SENP6: variants seen among roughly 807,000 people sequenced by gnomAD.
SENP6 encodes SUMO specific peptidase 6.
In SENP6, 41 loss-of-function variants were observed where a neutral mutation model predicts 134.5. The observed-to-expected ratio is 0.30, with a 90% CI of 0.24 to 0.40. The LOEUF (loss-of-function observed/expected upper bound fraction) is 0.40. SENP6 is among the 10% of genes least tolerant of loss of function. The pLI is 1.00. For missense variants in SENP6, 1,248 were observed against 1,312.5 expected (o/e 0.95, Z 0.76); for synonymous variants, 395 against 429.8 (o/e 0.92, Z 1.00).
chr6:75,674,412 C>T (rs1772929344), intron 11 of SENP6, among the ~76,000 whole-genome samples: 1 of 152,116 alleles, frequency 6.6e-6, no homozygotes, highest in Non-Finnish European at 1.5e-5. Context: ...ACTTCTGCCT[C>T]CTGGGTTCAA....
intron 3 of SENP6, among the ~76,000 whole-genome samples, chr6:75,625,223 T>G (rs1284626146): frequency 6.7e-6 from 1 of 148,568 alleles, no homozygotes; most frequent in Non-Finnish European, 1.5e-5. Flanking sequence ...ACAATTCTCA[T>G]GCCTCAGCCA....
chr6:75,689,509 G>A (rs761645067), intron 16 of SENP6, among the ~76,000 whole-genome samples: 8 of 152,190 alleles, frequency 5.3e-5, no homozygotes, highest in African/African-American at 4.8e-5. Context: ...AAAACAGTGC[G>A]TAGGCTCCTC....
intron 1 of SENP6, among the ~76,000 whole-genome samples, chr6:75,615,658 T>C (rs1435235664): frequency 6.6e-6 from 1 of 152,252 alleles, no homozygotes; most frequent in Non-Finnish European, 1.5e-5. Context: ...GTGAGATTGC[T>C]CAGTAATTTT....
intron 19 of SENP6, among the ~76,000 whole-genome samples, chr6:75,709,093 A>T (rs1020930891): frequency 6.6e-6 from 1 of 152,166 alleles, no homozygotes; most frequent in African/African-American, 2.4e-5. Context: ...AATTTTAATT[A>T]TAAAATTATG....
chr6:75,705,499 G>A (rs567496156), intron 19 of SENP6, among the ~76,000 whole-genome samples: 13 of 152,162 alleles, frequency 8.5e-5, no homozygotes, highest in Admixed American at 4.6e-4. Flanking sequence ...AGCTGGGATC[G>A]CGCAACTGCA....
At chr6:75,683,190 G>T (rs1390662430) in intron 16 of SENP6, among the ~76,000 whole-genome samples, 1 of 152,024 alleles carries the variant, frequency 6.6e-6, no homozygotes, top group Non-Finnish European at 1.5e-5. Flanking sequence ...GTGTCTGTTC[G>T]CTGTATAGAT....
intron 16 of SENP6, among the ~76,000 whole-genome samples, chr6:75,691,283 C>T (rs1582871091): frequency 6.6e-6 from 1 of 152,054 alleles, no homozygotes; most frequent in East Asian, 1.9e-4. Context: ...GCTGGGACTA[C>T]ATGTGCGAGC....
intron 18 of SENP6, among the ~76,000 whole-genome samples, chr6:75,701,633 CT>C (rs60715314): frequency 0.018 from 1,455 of 80,016 alleles, 10 homozygotes; most frequent in African/African-American, 0.068. Context: ...ACAGTTTAAT[CT>C]TTTTTTTTTT....
chr6:75,626,339 TTA>T (rs371571007), intron 3 of SENP6, among the ~76,000 whole-genome samples: 54 of 149,534 alleles, frequency 3.6e-4, no homozygotes, highest in East Asian at 1.6e-3. Flanking sequence ...GCTTAGCTTT[TTA>T]TATATATATA....
chr6:75,618,880 G>A (rs1045047716), intron 1 of SENP6, among the ~76,000 whole-genome samples: 3 of 151,370 alleles, frequency 2.0e-5, no homozygotes, highest in Non-Finnish European at 4.4e-5. Flanking sequence ...GAAGTTTCAT[G>A]TATACTGATG....
chr6:75,699,466 G>A (rs747197296), intron 18 of SENP6, among the ~76,000 whole-genome samples: 1 of 148,470 alleles, frequency 6.7e-6, no homozygotes, highest in Non-Finnish European at 1.5e-5. Context: ...TTTTCTGGTA[G>A]TACCAGTTTT....
intron 9 of SENP6, among the ~76,000 whole-genome samples, chr6:75,666,272 ATATT>A (rs1181924212): frequency 1.4e-5 from 2 of 147,534 alleles, no homozygotes; most frequent in Non-Finnish European, 3.0e-5. Context: ...TATAAAATAT[ATATT>A]ATATATATAT....
chr6:75,665,746 G>T (rs1772149894), intron 9 of SENP6, among the ~76,000 whole-genome samples: 1 of 152,210 alleles, frequency 6.6e-6, no homozygotes, highest in African/African-American at 2.4e-5. Context: ...CTTGGCTACA[G>T]CCAGGTGCGG....
chr6:75,683,635 A>G (rs1360023374), intron 16 of SENP6, among the ~76,000 whole-genome samples: 1 of 152,032 alleles, frequency 6.6e-6, no homozygotes, highest in Non-Finnish European at 1.5e-5. Context: ...TTTTCCCAGC[A>G]CCATTTATTA....
At chr6:75,612,217 A>G (rs1211283454) in intron 1 of SENP6, among the ~76,000 whole-genome samples, 2 of 152,206 alleles carry the variant, frequency 1.3e-5, no homozygotes, top group Non-Finnish European at 2.9e-5. Flanking sequence ...GACTTGTAAC[A>G]TGGTGACTCA....
At chr6:75,619,445 A>ATGTG (rs61131437) in intron 1 of SENP6, among the ~76,000 whole-genome samples, 2,087 of 149,328 alleles carry the variant, frequency 0.014, 15 homozygotes, top group African/African-American at 0.018. Context: ...CGTTGTGTCT[A>ATGTG]TGTGTGTGTG....
chr6:75,605,110 A>G (rs1766934581), intron 1 of SENP6, among the ~76,000 whole-genome samples: 1 of 152,242 alleles, frequency 6.6e-6, no homozygotes, highest in African/African-American at 2.4e-5. Flanking sequence ...TTTGCTGCAT[A>G]TTTTGTATTA....
chr6:75,709,588 T>C lies in SENP6; in HGVS notation c.2778T>C (p.Leu926=). 6.2e-7 allele frequency: 1 copy of C among 1,614,042 alleles called. No individual in the cohort carries two copies. Among genetic ancestry groups the C allele is most frequent in the Non-Finnish European group, 8.5e-7 (1 of 1,179,958 alleles). The change falls in exon 20 of 24, where the codon CTT becomes CTC. Residue 926 remains leucine (L), a synonymous_variant. Transcript: ENST00000447266. ...AATCACCTGAAGCTGGTAAAATGCT[T>C]GAAGATGAACTCGTCGACTTCTCAG... ...SDESPEAGKM[L]EDELVDFSED...
chr6:75,697,338 C>A, intron 17 of SENP6, 87 bp from the exon 18 acceptor site: 1 of 930,040 alleles, frequency 1.1e-6, no homozygotes, highest in Non-Finnish European at 1.6e-6. Context: ...GCTATTACAT[C>A]TGAATCTTCT....
Sources: gnomAD v4.1 joint callset for allele counts (sites outside exome capture counted in the v4.1 genomes callset) on GRCh38, gnomAD v4.1.1 for gene constraint, MANE v1.5 for transcripts, NCBI Gene and HGNC (gene_info 2026-07-23, HGNC 2026-07-21) for gene names.